The following RABL6 variants were observed in gnomAD, a reference collection of about 807,000 sequenced individuals.
RABL6 encodes the protein RAB, member RAS oncogene family like 6.
RABL6 carries 28 observed loss-of-function variants against 72.9 expected under a neutral mutation model. The ratio of observed to expected loss-of-function variants is 0.38; its 90% CI spans 0.28 to 0.53. The LOEUF is 0.53. Among genes scored for constraint, RABL6 ranks in the 20% least tolerant of loss-of-function variants. The pLI is 0.80. For synonymous variants in RABL6, 477 were observed against 421.2 expected (o/e 1.13, Z -1.62); for missense variants, 1,029 against 1,008.4 (o/e 1.02, Z -0.28).
intron 4 of RABL6, 24 bp from the exon 5 acceptor site, chr9:136,829,369 A>T: frequency 6.5e-7 from 1 of 1,547,926 alleles, no homozygotes. Flanking sequence ...GGCCAGTCTC[A>T]CACCTGTTCC....
intron 1 of RABL6, chr9:136,808,565 G>A (rs1847924020): frequency 7.8e-6 from 2 of 256,400 alleles, no homozygotes; most frequent in Admixed American, 5.6e-5. Context: ...CTCGCCTGCC[G>A]CGTGTCGCTC....
chr9:136,821,733 C>T, intron 1 of RABL6: 1 of 1,123,864 alleles, frequency 8.9e-7, no homozygotes, highest in Non-Finnish European at 1.1e-6. Flanking sequence ...CTGCTGTGCT[C>T]TCCACAGGCC....
chr9:136,839,391 A>T lies in RABL6; in HGVS notation c.1663A>T (p.Ser555Cys), dbSNP rs768313550. ...GGGTGAGCAGGCCTCCTCGTCGGAGAGTGACCCCGAGGGACCCATTGCTGC... is the reference window on the plus strand; with the variant it reads ...GGGTGAGCAGGCCTCCTCGTCGGAGTGTGACCCCGAGGGACCCATTGCTGC... ...GKGEQASSSE[S>C]DPEGPIAAQM... The change falls in exon 12 of 15, where the codon AGT (serine) becomes TGT (cysteine). Residue 555 changes from serine (S) to cysteine (C), a missense_variant. Ser to Cys is a moderately radical substitution (Grantham distance 112). Coordinates refer to ENST00000311502, the MANE Select transcript of RABL6 (RefSeq NM_024718.5). The T allele has an allele frequency of 1.2e-6, 2 of 1,612,508 alleles. No individual in the cohort carries two copies. The highest frequency in any genetic ancestry group is 4.5e-5 in the East Asian group (2 of 44,866).
At chr9:136,831,230 G>A (rs1848466751) in intron 5 of RABL6, among the ~76,000 whole-genome samples, 1 of 152,176 alleles carries the variant, frequency 6.6e-6, no homozygotes, top group African/African-American at 2.4e-5. Flanking sequence ...GTCCGTGCCA[G>A]GAGATGTCTG....
chr9:136,825,391 G>C (rs1039341129), intron 2 of RABL6, among the ~76,000 whole-genome samples: 15 of 151,560 alleles, frequency 9.9e-5, no homozygotes, highest in African/African-American at 3.6e-4. Flanking sequence ...GAGGCCAGGA[G>C]GGGCCGTGCC....
At chr9:136,811,606 A>T (rs1356912692) in intron 1 of RABL6, among the ~76,000 whole-genome samples, 4 of 149,274 alleles carry the variant, frequency 2.7e-5, no homozygotes, top group African/African-American at 1.0e-4. Flanking sequence ...TGACAGAGTC[A>T]GACCCTGTCT....
rs1204350393 is a variant in RABL6 at position 136,826,266 on chromosome 9, G to A, written c.313+440G>A. Among the ~76,000 whole-genome samples the A allele has an allele frequency of 6.6e-6, 1 of 152,172 alleles. No individual in the cohort carries two copies. The highest frequency in any genetic ancestry group is 1.5e-5 in the Non-Finnish European group (1 of 68,012). On this transcript the variant is annotated intron_variant, in intron 3 of 14. Transcript: ENST00000311502. This position sits in a 1 kb window ranked among gnomAD's most constrained non-coding sequence, Gnocchi z 4.9. ...CACAGACCTGCACTCTGGGGACCGT[G>A]GGAGGGCAGCACCAGCCCCCGGGGT...
At chr9:136,819,650 G>T (rs553370628) in intron 1 of RABL6, among the ~76,000 whole-genome samples, 4 of 152,308 alleles carry the variant, frequency 2.6e-5, no homozygotes, top group Admixed American at 1.3e-4. Flanking sequence ...GTGCTACAGC[G>T]ACAGTGATGC....
At chr9:136,808,429 G>GT in intron 1 of RABL6, 103 bp downstream of exon 1, 1 of 1,213,516 alleles carries the variant, frequency 8.2e-7, no homozygotes, top group Non-Finnish European at 1.0e-6. Flanking sequence ...CTGCTTGCCG[G>GT]TTGTGGGGTG....
At chr9:136,825,693 C>T in intron 2 of RABL6, 86 bp from the exon 3 acceptor site, 1 of 1,447,728 alleles carries the variant, frequency 6.9e-7, no homozygotes, top group Non-Finnish European at 9.7e-7. Flanking sequence ...GGCTGCGGGG[C>T]ACAGACAACC....
In RABL6 at chr9:136,823,082, C is replaced by T. The variant is rs139094191; in HGVS notation, c.131-443C>T. Among the ~76,000 whole-genome samples the T allele has an allele frequency of 6.0e-3, 537 of 90,090 alleles. 5 individuals are homozygous for T. Among genetic ancestry groups the T allele is most frequent in the African/African-American group, 0.025 (509 of 20,706 alleles). 59.1% of individuals were successfully genotyped at this position (90,090 alleles called of 152,430 possible). A position where few individuals can be genotyped will look rare whatever the true frequency, so the allele number is the denominator to read the frequency against. ...CGGCCTGGGCAAAAAAGCGAGACTC[C>T]GTCTCAAAAAAAAAAAAAAAAAGAC... On this transcript the variant is annotated intron_variant, in intron 1 of 14. Coordinates refer to ENST00000311502, the MANE Select transcript of RABL6 (RefSeq NM_024718.5).
At position 136,823,534 on chromosome 9, in the gene RABL6, T is replaced by C. The variant is rs1222017474; in HGVS notation, c.140T>C (p.Val47Ala). 2 of 1,613,728 alleles carry C rather than the reference T, an allele frequency of 1.2e-6. No homozygotes were observed. The highest frequency in any genetic ancestry group is 1.7e-6 in the Non-Finnish European group (2 of 1,179,832). Reference sequence around the variant, plus strand: ...CTCTTCCCGTCCCCAGTGAAGATAGTGATCCGGGGAGACAGGAACACGGGC... The same window carrying C: ...CTCTTCCCGTCCCCAGTGAAGATAGCGATCCGGGGAGACAGGAACACGGGC... The part of the protein sequence containing the change: ...AKGVQYNMKI[V>A]IRGDRNTGKT... Residue 47 changes from valine (V) to alanine (A), a missense_variant, in exon 2 of 15, where the codon GTG (valine) becomes GCG (alanine). Around this residue, in one of 2 missense-constraint regions of RABL6, gnomAD observed 434 missense variants for 536.1 expected, o/e 0.81. Coordinates refer to ENST00000311502, the MANE Select transcript of RABL6 (RefSeq NM_024718.5).
rs1848343994 is a variant in RABL6, at chr9:136,825,858, T to G, written c.313+32T>G. On this transcript the variant is annotated intron_variant, in intron 3 of 14. Coordinates refer to ENST00000311502, the MANE Select transcript of RABL6 (RefSeq NM_024718.5). ...CGTCTCTGTTCTGTGTCTGCTTCTC[T>G]CTGGGACTGTGTGCTCTGCGCAGAG... The G allele has an allele frequency of 2.5e-6, 4 of 1,595,252 alleles. No homozygotes were observed. The East Asian group carries it at 6.7e-5, about 27-fold the overall frequency.
rs113300124 is a variant in RABL6, at chr9:136,838,847, C to G, written c.1281-62C>G. The G allele has an allele frequency of 1.5e-5, 22 of 1,425,402 alleles. No homozygotes were observed. The East Asian group carries it at 5.0e-4, about 32-fold the overall frequency. The allele number at this position is 1,425,402 out of a possible 1,614,324, so 88.3% of individuals were successfully genotyped here. Reference sequence around the variant, plus strand: ...TACCAGGGCGCCTAGAACCAAGGCCCGTGAGCCCGGCCAGCCATCCCTACC... The same window carrying G: ...TACCAGGGCGCCTAGAACCAAGGCCGGTGAGCCCGGCCAGCCATCCCTACC... On this transcript the variant is annotated intron_variant, in intron 10 of 14. Transcript: ENST00000311502.
At chr9:136,829,941 C>T (rs1332044507) in intron 5 of RABL6, among the ~76,000 whole-genome samples, 1 of 152,238 alleles carries the variant, frequency 6.6e-6, no homozygotes, top group Admixed American at 6.5e-5. Flanking sequence ...CAGGCGCAAG[C>T]CCCCAGAGTC....
At chr9:136,824,578 G>A (rs927851503) in intron 2 of RABL6, among the ~76,000 whole-genome samples, 16 of 151,636 alleles carry the variant, frequency 1.1e-4, no homozygotes, top group African/African-American at 3.6e-4. Context: ...ATTCACCCAC[G>A]TTGGGCTCCC....
intron 7 of RABL6, chr9:136,834,376 T>C (rs1227503867): frequency 1.0e-6 from 1 of 992,102 alleles, no homozygotes; most frequent in Non-Finnish European, 1.2e-6. Flanking sequence ...GTATTCAGAG[T>C]AGGATCCAGA....
At chr9:136,825,319 C>A (rs370367217) in intron 2 of RABL6, among the ~76,000 whole-genome samples, 99 of 152,364 alleles carry the variant, frequency 6.5e-4, no homozygotes, top group African/African-American at 2.3e-3. Flanking sequence ...TCAGCAGAAG[C>A]GTACTCCATG....
At chr9:136,838,648 G>C (rs562544257) in intron 10 of RABL6, among the ~76,000 whole-genome samples, 1 of 152,192 alleles carries the variant, frequency 6.6e-6, no homozygotes, top group Non-Finnish European at 1.5e-5. Context: ...CCTCCTCCAC[G>C]AGCGCCCACT....
Sources: allele counts gnomAD v4.1 joint callset (sites outside exome capture counted in the v4.1 genomes callset), GRCh38; gene constraint gnomAD v4.1.1; regional missense constraint gnomAD v4.1.1; non-coding constraint Gnocchi (gnomAD v3.1); transcripts MANE v1.5; gene names NCBI Gene and HGNC (gene_info 2026-07-23, HGNC 2026-07-21).